ACOT1: variants seen among roughly 807,000 people sequenced by gnomAD.
ACOT1 encodes acyl-CoA thioesterase 1.
Under a neutral mutation model 15.7 loss-of-function variants are expected in ACOT1, and 8 were observed. That is an observed-to-expected ratio of 0.51 (90% CI 0.30 to 0.92). ACOT1 has a LOEUF of 0.92. Ranked by LOEUF, ACOT1 falls within the 40% of genes least tolerant of loss-of-function variation. The pLI is 0.06. For missense variants in ACOT1, 151 were observed against 539.4 expected (o/e 0.28, Z 7.13); for synonymous variants, 67 against 241.2 (o/e 0.28, Z 6.69).
intron 1 of ACOT1, among the ~76,000 whole-genome samples, chr14:73,539,970 A>AT (rs1889020557): frequency 8.6e-6 from 1 of 116,316 alleles, no homozygotes; most frequent in Non-Finnish European, 1.9e-5. Flanking sequence ...GGATACTTTT[A>AT]TATTACATAA....
the ACOT1 span, among the ~76,000 whole-genome samples, chr14:73,512,398 C>A: frequency 2.0e-5 from 3 of 152,180 alleles, no homozygotes; most frequent in African/African-American, 7.2e-5. Context: ...TTCTTTAAAT[C>A]ACTTTTCGTT....
the ACOT1 span, chr14:73,520,549 G>C: frequency 3.8e-4 from 99 of 262,416 alleles, no homozygotes; most frequent in Admixed American, 1.1e-3. Flanking sequence ...AAGGGAGAAG[G>C]GTAGATAGAG....
the ACOT1 span, among the ~76,000 whole-genome samples, chr14:73,524,310 AATATATATATAT>A: frequency 1.2e-3 from 67 of 54,760 alleles, 1 homozygote; most frequent in Middle Eastern, 0.026. Flanking sequence ...AAAAAAAAAA[AATATATATATAT>A]ATATATATAT....
chr14:73,492,325 G>A, the ACOT1 span: 1 of 1,614,016 alleles, frequency 6.2e-7, no homozygotes, highest in Non-Finnish European at 8.5e-7. This position sits in a 1 kb window ranked among gnomAD's most constrained non-coding sequence, Gnocchi z 4.9. Flanking sequence ...AGGCCATACT[G>A]CCTCTGGCAG....
the ACOT1 span, chr14:73,522,136 G>T: frequency 1.1e-6 from 1 of 929,186 alleles, no homozygotes; most frequent in Non-Finnish European, 1.7e-6. Flanking sequence ...AGAGCTCTCA[G>T]AGAGCAGGCC....
the ACOT1 span, among the ~76,000 whole-genome samples, chr14:73,509,811 C>CAT: frequency 5.1e-5 from 1 of 19,492 alleles, no homozygotes; most frequent in Non-Finnish European, 9.0e-5. Flanking sequence ...CCCATGAGCC[C>CAT]ATATATATAT....
At chr14:73,506,706 A>G in the ACOT1 span, 14 of 564,986 alleles carry the variant, frequency 2.5e-5, no homozygotes, top group African/African-American at 5.7e-5. Context: ...GCATGTTTCC[A>G]TCACAGCCAA....
chr14:73,509,454 C>T, the ACOT1 span: 3 of 1,613,980 alleles, frequency 1.9e-6, no homozygotes, highest in Non-Finnish European at 2.5e-6. Context: ...GAACCTCCGG[C>T]AAGTCCTGGA....
chr14:73,493,596 A>AG, the ACOT1 span, among the ~76,000 whole-genome samples: 4 of 152,010 alleles, frequency 2.6e-5, no homozygotes, highest in African/African-American at 9.7e-5. Context: ...CTAGCACTTT[A>AG]GGAGGCCGAG....
the ACOT1 span, chr14:73,523,133 C>G: frequency 6.2e-7 from 1 of 1,600,848 alleles, no homozygotes; most frequent in Non-Finnish European, 8.5e-7. Context: ...AAAGGTCTTT[C>G]CCTTCTGGGT....
chr14:73,506,894 G>A, the ACOT1 span, among the ~76,000 whole-genome samples: 4 of 141,328 alleles, frequency 2.8e-5, no homozygotes, highest in Non-Finnish European at 6.0e-5. Flanking sequence ...TCCGCCTCTC[G>A]GGTTCAAGTG....
rs1219145958 is a variant in ACOT1, at chr14:73,541,798, C to A, written c.660+103C>A. ...GCTCATTCATGACAGCCATTCCCTA[C>A]CCCAACACACACTACCTTTTTTAGT... On this transcript the variant is annotated intron_variant, in intron 2 of 2. Transcript: ENST00000311148. 15 of 734,480 alleles carry A rather than the reference C, an allele frequency of 2.0e-5. 2 individuals are homozygous for A. The highest frequency in any genetic ancestry group is 1.1e-4 in the African/African-American group (6 of 53,200). 45.5% of individuals were successfully genotyped at this position (734,480 alleles called of 1,614,324 possible).
the ACOT1 span, among the ~76,000 whole-genome samples, chr14:73,514,796 C>T: frequency 8.5e-5 from 13 of 152,060 alleles, no homozygotes; most frequent in Admixed American, 1.3e-4. Context: ...TGGCCGGGTA[C>T]GGTGGCTTTT....
the ACOT1 span, among the ~76,000 whole-genome samples, chr14:73,493,836 TCAAAAACAAAAA>T: frequency 2.6e-5 from 4 of 152,330 alleles, no homozygotes; most frequent in South Asian, 4.2e-4. Flanking sequence ...AGACTCCGTC[TCAAAAACAAAAA>T]CAAAAACAAA....
the ACOT1 span, chr14:73,514,245 T>A: frequency 6.2e-7 from 1 of 1,612,590 alleles, no homozygotes; most frequent in East Asian, 2.2e-5. Flanking sequence ...CTGTGCAACG[T>A]GGCAGTGTGA....
chr14:73,521,108 C>G, the ACOT1 span: 94 of 1,351,966 alleles, frequency 7.0e-5, no homozygotes, highest in Non-Finnish European at 9.3e-5. Flanking sequence ...TCCATTAAAT[C>G]CACAGCTCGT....
chr14:73,536,027 C>G (rs1160631581), upstream of ACOT1, among the ~76,000 whole-genome samples: 1 of 115,966 alleles, frequency 8.6e-6, no homozygotes, highest in African/African-American at 2.8e-5. Context: ...CCTGAGACTT[C>G]TATGCACAGA....
the ACOT1 span, chr14:73,513,962 G>C: frequency 6.7e-7 from 1 of 1,489,100 alleles, no homozygotes; most frequent in Non-Finnish European, 9.4e-7. Context: ...CAAAGACTGA[G>C]AAAGCCTAGT....
the ACOT1 span, chr14:73,519,169 A>G: frequency 6.2e-7 from 1 of 1,609,720 alleles, no homozygotes; most frequent in Non-Finnish European, 8.5e-7. Flanking sequence ...TTCATCTGTG[A>G]ACAGACAAAG....
Sources: gnomAD v4.1 joint callset for allele counts (sites outside exome capture counted in the v4.1 genomes callset) on GRCh38, gnomAD v4.1.1 for gene constraint, Gnocchi (gnomAD v3.1) non-coding constraint, MANE v1.5 for transcripts, NCBI Gene and HGNC (gene_info 2026-07-23, HGNC 2026-07-21) for gene names.